PCDH9: variants seen among roughly 807,000 people sequenced by gnomAD.
PCDH9 encodes protocadherin-9.
A neutral mutation model predicts 70.6 loss-of-function variants in PCDH9; 24 were observed. That is an observed-to-expected ratio of 0.34 (90% confidence interval 0.25 to 0.48). The LOEUF is 0.48. PCDH9 is among the 20% of genes least tolerant of loss of function. The probability of loss-of-function intolerance (pLI) is 0.99; values close to 1 mark genes in which losing one functional copy is unlikely to be tolerated. For missense variants in PCDH9, 1,281 were observed against 1,503.6 expected (o/e 0.85, Z 2.45); for synonymous variants, 562 against 558.5 (o/e 1.01, Z -0.09).
chr13:66,978,861 T>A, intron 2 of PCDH9, among the ~76,000 whole-genome samples: 1 of 151,032 alleles, frequency 6.6e-6, no homozygotes, highest in East Asian at 1.9e-4. Context: ...TGTATATTTA[T>A]ATATGCATAT....
chr13:66,912,518 C>CACAA (rs1311938919), intron 2 of PCDH9, among the ~76,000 whole-genome samples: 1 of 151,750 alleles, frequency 6.6e-6, no homozygotes, highest in Admixed American at 6.6e-5. Context: ...AGTGTGGACA[C>CACAA]ACACACACAC....
chr13:66,956,835 G>C (rs191035987), intron 2 of PCDH9, among the ~76,000 whole-genome samples: 2 of 151,966 alleles, frequency 1.3e-5, no homozygotes, highest in Admixed American at 1.3e-4. Flanking sequence ...TTGCTGTTTC[G>C]CACTCCACCC....
intron 2 of PCDH9, among the ~76,000 whole-genome samples, chr13:67,081,030 C>T (rs1368540669): frequency 6.6e-6 from 1 of 151,986 alleles, no homozygotes; most frequent in Non-Finnish European, 1.5e-5. Flanking sequence ...ATGGAAGGTG[C>T]TTTTAAATTA....
chr13:66,703,387 T>C (rs2078671630), intron 3 of PCDH9, among the ~76,000 whole-genome samples: 1 of 152,226 alleles, frequency 6.6e-6, no homozygotes. Flanking sequence ...ACGTAACTAA[T>C]AGTGCAGAGT....
At chr13:67,159,722 G>C (rs910480496) in intron 2 of PCDH9, among the ~76,000 whole-genome samples, 1 of 152,104 alleles carries the variant, frequency 6.6e-6, no homozygotes, top group African/African-American at 2.4e-5. Context: ...CTTTTTTAGA[G>C]AATAGATTTA....
intron 4 of PCDH9, among the ~76,000 whole-genome samples, chr13:66,522,228 ATTTGTTTTAAAAAATCTTGTATC>A (rs1040814299): frequency 1.3e-5 from 2 of 151,808 alleles, no homozygotes; most frequent in Non-Finnish European, 2.9e-5. Flanking sequence ...AAGGCATGGC[ATTTGTTTTAAAAAATCTTGTATC>A]TTAAAATAAT....
intron 3 of PCDH9, among the ~76,000 whole-genome samples, chr13:66,727,443 T>C (rs2079020091): frequency 6.6e-6 from 1 of 152,010 alleles, no homozygotes; most frequent in South Asian, 2.1e-4. Context: ...TGCTTTCTTT[T>C]TCAAAAAAAT....
chr13:66,444,803 C>A (rs1482674701), intron 4 of PCDH9, among the ~76,000 whole-genome samples: 7 of 152,076 alleles, frequency 4.6e-5, no homozygotes. Context: ...TCAGGTGATC[C>A]GCCTTCCCCG....
intron 4 of PCDH9, among the ~76,000 whole-genome samples, chr13:66,538,304 C>A (rs534493701): frequency 6.6e-6 from 1 of 152,288 alleles, no homozygotes; most frequent in South Asian, 2.1e-4. Context: ...TGATTTAATA[C>A]TTTTCAATAC....
intron 4 of PCDH9, among the ~76,000 whole-genome samples, chr13:66,364,604 A>G (rs1311329420): frequency 6.6e-6 from 1 of 152,206 alleles, no homozygotes; most frequent in Non-Finnish European, 1.5e-5. Context: ...TACCCACTGC[A>G]TTAAGTTGCC....
Position 66,550,419 on chromosome 13 carries a change from A to G in PCDH9, c.3340+80791T>C, listed in dbSNP as rs534759114. Among the ~76,000 whole-genome samples the G allele has an allele frequency of 5.9e-5, 9 of 152,238 alleles. No individual in the cohort carries two copies. The South Asian group carries it at 1.0e-3, about 18-fold the overall frequency. ...TATCTCTTCCCAATTACCCCATAGA[A>G]ACATATGTTATGGTTGGTTATGTGG... On this transcript the variant is annotated intron_variant, in intron 4 of 4. Coordinates refer to ENST00000377865, the MANE Select transcript of PCDH9 (RefSeq NM_203487.3).
chr13:66,666,266 T>C (rs2078095576), intron 3 of PCDH9, among the ~76,000 whole-genome samples: 1 of 152,074 alleles, frequency 6.6e-6, no homozygotes, highest in Non-Finnish European at 1.5e-5. Flanking sequence ...CCAGACTAGG[T>C]GGAGGCCCTG....
At chr13:67,195,775 T>C (rs2089047267) in intron 2 of PCDH9, among the ~76,000 whole-genome samples, 1 of 152,154 alleles carries the variant, frequency 6.6e-6, no homozygotes. Flanking sequence ...ACTCCATATA[T>C]ATGAAATAAC....
rs548682349 is a variant in PCDH9, at chr13:66,582,606, T to G, written c.3340+48604A>C. Among the ~76,000 whole-genome samples the G allele has an allele frequency of 2.0e-5, 3 of 152,218 alleles. No homozygotes were observed. In the South Asian group the frequency reaches 6.2e-4, roughly 32 times the overall value. On this transcript the variant is annotated intron_variant, in intron 4 of 4. Transcript: ENST00000377865. ...CAACATCACGCCACTGCACTCCAGC[T>G]GGGTGACAGAGTGAGACCCTGTCTC...
At position 66,775,606 on chromosome 13, in the gene PCDH9, C is replaced by A. The variant is rs536344858; in HGVS notation, c.3138+127898G>T. Among the ~76,000 whole-genome samples the A allele has an allele frequency of 5.9e-5, 9 of 152,278 alleles. No homozygotes were observed. In the East Asian group the frequency reaches 1.5e-3, roughly 26 times the overall value. On this transcript the variant is annotated intron_variant, in intron 3 of 4. Coordinates refer to ENST00000377865, the MANE Select transcript of PCDH9 (RefSeq NM_203487.3). ...GATGAACTTTGTGATGACCCACTTCCACTTAACCGATAATAAATATACTCC... is the reference window on the plus strand; with the variant it reads ...GATGAACTTTGTGATGACCCACTTCAACTTAACCGATAATAAATATACTCC...
chr13:66,441,433 A>C (rs1402249697), intron 4 of PCDH9, among the ~76,000 whole-genome samples: 3 of 152,176 alleles, frequency 2.0e-5, no homozygotes, highest in African/African-American at 7.2e-5. Context: ...ACCACCTGAA[A>C]ATATATGAAA....
At chr13:67,178,366 A>G (rs1347046321) in intron 2 of PCDH9, among the ~76,000 whole-genome samples, 1 of 152,110 alleles carries the variant, frequency 6.6e-6, no homozygotes, top group Non-Finnish European at 1.5e-5. Context: ...TCAATAATAT[A>G]TTGGAAAGAA....
At chr13:67,038,970 C>A (rs559594706) in intron 2 of PCDH9, among the ~76,000 whole-genome samples, 3 of 152,104 alleles carry the variant, frequency 2.0e-5, no homozygotes, top group Admixed American at 1.3e-4. Flanking sequence ...GAACTTTTGA[C>A]CCCACCTCAA....
chr13:66,359,262 G>T (rs1293591982), intron 4 of PCDH9, among the ~76,000 whole-genome samples: 1 of 151,764 alleles, frequency 6.6e-6, no homozygotes, highest in Non-Finnish European at 1.5e-5. Context: ...CATACTAAAG[G>T]CTTCTTAGTT....
Sources: allele counts gnomAD v4.1 joint callset (sites outside exome capture counted in the v4.1 genomes callset), GRCh38; gene constraint gnomAD v4.1.1; transcripts MANE v1.5; gene names NCBI Gene and HGNC (gene_info 2026-07-23, HGNC 2026-07-21).